KCNMA1: variants seen among roughly 807,000 people sequenced by gnomAD.
KCNMA1 encodes the protein Calcium-activated potassium channel subunit alpha-1.
KCNMA1 carries 29 observed loss-of-function variants against 140.0 expected under a neutral mutation model. The ratio of observed to expected loss-of-function variants is 0.21; its 90% CI spans 0.15 to 0.28. The LOEUF is 0.28. Among genes scored for constraint, KCNMA1 ranks in the 10% least tolerant of loss-of-function variants. The pLI, the probability that KCNMA1 is intolerant of heterozygous loss-of-function variation, is 1.00. For synonymous variants in KCNMA1, 612 were observed against 611.9 expected, an observed-to-expected ratio of 1.00 and a Z score of 0.00; for missense variants, 880 against 1,602.2, an observed-to-expected ratio of 0.55 and a Z score of 7.70.
intron 1 of KCNMA1, among the ~76,000 whole-genome samples, chr10:77,624,998 A>C (rs1185910233): frequency 1.3e-5 from 2 of 152,114 alleles, no homozygotes; most frequent in East Asian, 3.9e-4. Context: ...ATGTGCCCAA[A>C]GATAATGCTG....
At position 77,039,545 on chromosome 10, in the gene KCNMA1, G is replaced by A. The variant is rs559607000; in HGVS notation, c.1842C>T (p.Ser614=). 8 of 1,603,430 alleles carry A rather than the reference G, an allele frequency of 5.0e-6. No individual in the cohort carries two copies. In the South Asian group the frequency reaches 6.6e-5, roughly 13 times the overall value. Residue 614 remains serine (S), a synonymous_variant, in exon 15 of 28, where the codon TCC becomes TCT. Coordinates refer to ENST00000286628, the MANE Select transcript of KCNMA1 (RefSeq NM_001161352.2). ...EYLSSAFVGL[S]FPTVCELCFV... is the part of the protein sequence containing the mutation. ...TCACTTACTCACAAACAGTAGGGAA[G>A]GACAGACCCACGAAGGCACTGGAGA...
intron 1 of KCNMA1, among the ~76,000 whole-genome samples, chr10:77,465,949 G>A (rs1210769273): frequency 6.6e-6 from 1 of 152,214 alleles, no homozygotes; most frequent in African/African-American, 2.4e-5. Context: ...GGAAAGAAGA[G>A]ATCCAAATCC....
At chr10:77,217,575 T>G (rs2048211964) in intron 3 of KCNMA1, 1 of 456,180 alleles carries the variant, frequency 2.2e-6, no homozygotes, top group African/African-American at 2.0e-5. Context: ...AATGAAAACA[T>G]GGAGATACTT....
At chr10:77,606,749 T>G (rs1427743431) in intron 1 of KCNMA1, among the ~76,000 whole-genome samples, 1 of 152,104 alleles carries the variant, frequency 6.6e-6, no homozygotes, top group East Asian at 1.9e-4. Context: ...CTGGGTGGTC[T>G]CCTCTGGGAA....
At chr10:77,522,640 G>A (rs2053889013) in intron 1 of KCNMA1, among the ~76,000 whole-genome samples, 2 of 152,188 alleles carry the variant, frequency 1.3e-5, no homozygotes, top group African/African-American at 2.4e-5. Context: ...AAGCAGAGTT[G>A]TGGGACCTAG....
intron 20 of KCNMA1, among the ~76,000 whole-genome samples, 187 bp from the exon 21 acceptor site, chr10:76,954,111 G>A (rs919839982): frequency 7.9e-5 from 12 of 152,118 alleles, no homozygotes; most frequent in African/African-American, 2.2e-4. Flanking sequence ...CCCCACTTCT[G>A]GAAGTGCAGG....
At chr10:77,463,554 G>A (rs2097918401) in intron 1 of KCNMA1, among the ~76,000 whole-genome samples, 1 of 152,164 alleles carries the variant, frequency 6.6e-6, no homozygotes, top group African/African-American at 2.4e-5. Context: ...GTAATTGATG[G>A]AGCACACGCT....
intron 1 of KCNMA1, among the ~76,000 whole-genome samples, chr10:77,625,736 A>T (rs1198263386): frequency 6.6e-6 from 1 of 152,204 alleles, no homozygotes; most frequent in Admixed American, 6.5e-5. Flanking sequence ...ACAATTCGCT[A>T]ATCTATTCAT....
chr10:77,014,486 T>G (rs1593639850), intron 17 of KCNMA1, among the ~76,000 whole-genome samples: 1 of 151,858 alleles, frequency 6.6e-6, no homozygotes, highest in East Asian at 1.9e-4. Context: ...TATAATTCAT[T>G]TTTAACTATA....
chr10:77,178,902 G>A (rs1315163795), intron 5 of KCNMA1, among the ~76,000 whole-genome samples: 3 of 152,260 alleles, frequency 2.0e-5, no homozygotes, highest in Non-Finnish European at 2.9e-5. Flanking sequence ...GGATTTGTAA[G>A]GGAAACAAAA....
intron 25 of KCNMA1, among the ~76,000 whole-genome samples, chr10:76,899,765 T>A (rs973947951): frequency 6.6e-6 from 1 of 152,084 alleles, no homozygotes; most frequent in Non-Finnish European, 1.5e-5. Context: ...TGATAAAAAT[T>A]TTTCAACAAT....
intron 7 of KCNMA1, 81 bp downstream of exon 7, chr10:77,112,286 A>G: frequency 2.0e-6 from 2 of 1,000,658 alleles, no homozygotes; most frequent in South Asian, 1.3e-5. Context: ...TTCCAGCAAG[A>G]TAAATTTTAG....
chr10:77,076,209 G>C (rs2096392062), intron 13 of KCNMA1, among the ~76,000 whole-genome samples: 1 of 152,148 alleles, frequency 6.6e-6, no homozygotes, highest in South Asian at 2.1e-4. Flanking sequence ...GCCTCTATCT[G>C]CACTGGGCTC....
At chr10:76,960,859 T>C (rs575399063) in intron 20 of KCNMA1, among the ~76,000 whole-genome samples, 1 of 152,130 alleles carries the variant, frequency 6.6e-6, no homozygotes, top group South Asian at 2.1e-4. Context: ...CTGAATATTT[T>C]AATCCTGCTG....
At chr10:77,176,100 C>G (rs1379337571) in intron 5 of KCNMA1, among the ~76,000 whole-genome samples, 1 of 152,082 alleles carries the variant, frequency 6.6e-6, no homozygotes, top group Non-Finnish European at 1.5e-5. Context: ...TGGCCTTGGG[C>G]CCAGATGCTC....
intron 2 of KCNMA1, among the ~76,000 whole-genome samples, chr10:77,307,599 T>C (rs997559613): frequency 9.9e-5 from 15 of 152,138 alleles, no homozygotes; most frequent in Admixed American, 5.2e-4. Context: ...CAGGCTGGAG[T>C]GCAGTGGCGC....
intron 2 of KCNMA1, among the ~76,000 whole-genome samples, chr10:77,334,713 C>T (rs778150893): frequency 5.3e-5 from 8 of 152,068 alleles, no homozygotes; most frequent in Admixed American, 1.3e-4. Context: ...TGTCAAACAA[C>T]GGGTTGAACC....
intron 23 of KCNMA1, among the ~76,000 whole-genome samples, chr10:76,935,902 C>G (rs560574964): frequency 1.6e-4 from 25 of 152,198 alleles, no homozygotes; most frequent in Non-Finnish European, 1.5e-5. Context: ...CCAAGAAAGT[C>G]TTTCATGCAT....
At chr10:77,175,928 A>G (rs749795022) in intron 5 of KCNMA1, among the ~76,000 whole-genome samples, 11 of 152,198 alleles carry the variant, frequency 7.2e-5, no homozygotes, top group Non-Finnish European at 5.9e-5. Flanking sequence ...TTTAAATCCC[A>G]AACACTGAAA....
Sources: allele counts gnomAD v4.1 joint callset (sites outside exome capture counted in the v4.1 genomes callset), GRCh38; gene constraint gnomAD v4.1.1; transcripts MANE v1.5; gene names NCBI Gene and HGNC (gene_info 2026-07-23, HGNC 2026-07-21).